Variants in TNKS observed in about 807,000 individuals in gnomAD.
The protein encoded by TNKS is tankyrase.
TNKS carries 72 observed loss-of-function variants against 135.8 expected under a neutral mutation model. The ratio of observed to expected loss-of-function variants is 0.53; its 90% CI spans 0.44 to 0.64. TNKS has a LOEUF of 0.64. Ranked by LOEUF, TNKS falls within the 30% of genes least tolerant of loss-of-function variation. TNKS has a pLI of 0.00. For missense variants in TNKS, 1,769 were observed against 1,674.0 expected, an observed-to-expected ratio of 1.06 and a Z score of -0.99; for synonymous variants, 849 against 649.3, an observed-to-expected ratio of 1.31 and a Z score of -4.68.
chr8:9,665,460 T>C (rs1801942142), intron 3 of TNKS, among the ~76,000 whole-genome samples: 1 of 152,220 alleles, frequency 6.6e-6, no homozygotes, highest in African/African-American at 2.4e-5. Flanking sequence ...TCTTTTAAGT[T>C]AGCAGGAAGA....
chr8:9,586,842 G>A (rs1420818218), intron 2 of TNKS, among the ~76,000 whole-genome samples: 1 of 151,684 alleles, frequency 6.6e-6, no homozygotes, highest in Non-Finnish European at 1.5e-5. Flanking sequence ...CAATAGGGAA[G>A]ACTGAAGACT....
chr8:9,573,630 A>G (rs1273350367), intron 1 of TNKS, among the ~76,000 whole-genome samples: 4 of 152,162 alleles, frequency 2.6e-5, no homozygotes, highest in African/African-American at 7.2e-5. Context: ...CTTAGTTTAC[A>G]GTTACTTTAT....
intron 25 of TNKS, 56 bp downstream of exon 25, chr8:9,766,481 GTC>G (rs1807454537): frequency 3.3e-5 from 26 of 796,228 alleles, no homozygotes; most frequent in South Asian, 1.0e-4. Context: ...GAACCAAATT[GTC>G]TTTTTTTTTT....
intron 12 of TNKS, among the ~76,000 whole-genome samples, chr8:9,726,255 G>T (rs1010431825): frequency 2.6e-5 from 4 of 152,132 alleles, no homozygotes; most frequent in Non-Finnish European, 4.4e-5. Context: ...GCTGGGCGTG[G>T]TGGTGTACAC....
intron 11 of TNKS, among the ~76,000 whole-genome samples, chr8:9,717,666 GTACT>G (rs1384425140): frequency 6.6e-6 from 1 of 152,072 alleles, no homozygotes; most frequent in African/African-American, 2.4e-5. Flanking sequence ...ACAAGGCATG[GTACT>G]TACTGCTGAG....
chr8:9,729,500 TCTTCTGATCA>T (rs1248381935), intron 13 of TNKS, among the ~76,000 whole-genome samples: 1 of 152,180 alleles, frequency 6.6e-6, no homozygotes. Flanking sequence ...TCATTGCCTT[TCTTCTGATCA>T]CTTCCCTCAA....
chr8:9,569,089 G>T (rs1797662298), intron 1 of TNKS, among the ~76,000 whole-genome samples: 1 of 140,772 alleles, frequency 7.1e-6, no homozygotes, highest in Non-Finnish European at 1.5e-5. Flanking sequence ...TTTTAGAATT[G>T]GGAAACTGTT....
intron 3 of TNKS, among the ~76,000 whole-genome samples, chr8:9,619,747 A>G (rs1443828451): frequency 6.7e-6 from 1 of 150,184 alleles, no homozygotes; most frequent in East Asian, 2.0e-4. Context: ...TCTTGCTGAG[A>G]CTGGCTTAGT....
chr8:9,608,398 T>C (rs1290886530), intron 2 of TNKS, among the ~76,000 whole-genome samples: 1 of 152,204 alleles, frequency 6.6e-6, no homozygotes, highest in Non-Finnish European at 1.5e-5. Flanking sequence ...TAACTAACGT[T>C]GATGCTAAGG....
At chr8:9,622,551 C>T (rs1205786028) in intron 3 of TNKS, among the ~76,000 whole-genome samples, 1 of 152,116 alleles carries the variant, frequency 6.6e-6, no homozygotes, top group Non-Finnish European at 1.5e-5. Context: ...CAGTTTGGCT[C>T]CAGGATCAAT....
chr8:9,633,488 T>G (rs1289793977), intron 3 of TNKS, among the ~76,000 whole-genome samples: 1 of 152,176 alleles, frequency 6.6e-6, no homozygotes, highest in Non-Finnish European at 1.5e-5. Flanking sequence ...ATCCTTTTTG[T>G]CAGAAACAAT....
At chr8:9,701,228 T>C (rs1022926059) in intron 5 of TNKS, among the ~76,000 whole-genome samples, 5 of 152,204 alleles carry the variant, frequency 3.3e-5, no homozygotes, top group Admixed American at 2.0e-4. Flanking sequence ...TGAGCCACCA[T>C]GCCCGACCTG....
intron 26 of TNKS, among the ~76,000 whole-genome samples, chr8:9,770,860 C>T (rs1004311263): frequency 6.6e-6 from 1 of 151,958 alleles, no homozygotes; most frequent in Non-Finnish European, 1.5e-5. Context: ...ATACCGTGGG[C>T]AAAACAGTGA....
Position 9,608,978 on chromosome 8 carries a change from T to C in TNKS, c.899-6604T>C, listed in dbSNP as rs1179865102. On this transcript the variant is annotated intron_variant, in intron 2 of 26. Coordinates refer to ENST00000310430, the MANE Select transcript of TNKS (RefSeq NM_003747.3). Reference sequence around the variant, plus strand: ...AGCTAGTCTGATACCAGTTACTCCATTATGGCTGGAAACTAAAGTTTTATT... The same window carrying C: ...AGCTAGTCTGATACCAGTTACTCCACTATGGCTGGAAACTAAAGTTTTATT... Among the ~76,000 whole-genome samples the C allele has an allele frequency of 2.0e-5, 3 of 152,226 alleles. No individual in the cohort carries two copies. In the East Asian group the frequency reaches 5.8e-4, roughly 29 times the overall value.
chr8:9,637,256 A>T (rs1468489979), intron 3 of TNKS, among the ~76,000 whole-genome samples: 1 of 152,206 alleles, frequency 6.6e-6, no homozygotes, highest in Non-Finnish European at 1.5e-5. Context: ...GATTATCAGA[A>T]CTTTGTTATT....
At chr8:9,692,883 A>G (rs1280481331) in intron 5 of TNKS, among the ~76,000 whole-genome samples, 3 of 152,226 alleles carry the variant, frequency 2.0e-5, no homozygotes, top group Non-Finnish European at 4.4e-5. Context: ...GCAATGAAAT[A>G]TATTTATTTC....
At chr8:9,593,190 T>C (rs1428778456) in intron 2 of TNKS, among the ~76,000 whole-genome samples, 3 of 152,154 alleles carry the variant, frequency 2.0e-5, no homozygotes, top group Non-Finnish European at 4.4e-5. Context: ...TACGTAATAT[T>C]GTAAAGGGTT....
At chr8:9,717,953 AACAAT>A (rs1173373614) in intron 11 of TNKS, among the ~76,000 whole-genome samples, 1 of 152,148 alleles carries the variant, frequency 6.6e-6, no homozygotes, top group African/African-American at 2.4e-5. Context: ...GCAAAATACA[AACAAT>A]ACATTTTCAG....
At chr8:9,624,660 T>G (rs562228147) in intron 3 of TNKS, among the ~76,000 whole-genome samples, 82 of 152,230 alleles carry the variant, frequency 5.4e-4, no homozygotes, top group Non-Finnish European at 1.1e-3. Flanking sequence ...GTTTTTTTAA[T>G]TAGGGTAAAC....
Sources: gnomAD v4.1 joint callset for allele counts (sites outside exome capture counted in the v4.1 genomes callset) on GRCh38, gnomAD v4.1.1 for gene constraint, MANE v1.5 for transcripts, NCBI Gene and HGNC (gene_info 2026-07-23, HGNC 2026-07-21) for gene names.